Variants in TSG101 observed in about 807,000 individuals in gnomAD.
The protein encoded by TSG101 is tumor susceptibility 101.
Under a neutral mutation model 48.5 loss-of-function variants are expected in TSG101, and 19 were observed. The ratio of observed to expected loss-of-function variants is 0.39; its 90% CI spans 0.27 to 0.58. TSG101 has a LOEUF of 0.58. TSG101 is among the 20% of genes least tolerant of loss of function. TSG101 has a pLI of 0.55. For synonymous variants in TSG101, 174 were observed against 169.4 expected (o/e 1.03, Z -0.21); for missense variants, 365 against 484.4 (o/e 0.75, Z 2.31).
intron 7 of TSG101, among the ~76,000 whole-genome samples, chr11:18,496,506 A>C (rs560599971): frequency 2.9e-5 from 4 of 139,072 alleles, no homozygotes; most frequent in African/African-American, 7.8e-5. Context: ...ATAAAATAAA[A>C]TAAATCTACA....
chr11:18,514,557 A>G (rs1850138314), intron 4 of TSG101, 121 bp downstream of exon 4: 2 of 666,604 alleles, frequency 3.0e-6, no homozygotes, highest in South Asian at 4.1e-5. Context: ...CTCAGTGATT[A>G]GTCCATTATC....
At chr11:18,499,404 T>TATATA (rs1372786271) in intron 7 of TSG101, among the ~76,000 whole-genome samples, 2 of 5,124 alleles carry the variant, frequency 3.9e-4, no homozygotes, top group South Asian at 8.6e-3. Flanking sequence ...ATATATATAT[T>TATATA]TTTTTTTTTT....
chr11:18,504,506 C>T (rs537889119), intron 6 of TSG101, among the ~76,000 whole-genome samples: 8 of 152,248 alleles, frequency 5.3e-5, no homozygotes, highest in African/African-American at 1.4e-4. Context: ...TTTCTAGTCT[C>T]TTCAGTAATC....
intron 4 of TSG101, among the ~76,000 whole-genome samples, chr11:18,512,601 T>C (rs1850103555): frequency 6.6e-6 from 1 of 152,158 alleles, no homozygotes; most frequent in Non-Finnish European, 1.5e-5. Flanking sequence ...ATAAATTGTA[T>C]GCTAGACATT....
chr11:18,513,873 G>A (rs1488402175), intron 4 of TSG101, among the ~76,000 whole-genome samples: 2 of 152,076 alleles, frequency 1.3e-5, no homozygotes, highest in East Asian at 3.9e-4. Flanking sequence ...TCAGGAGTTC[G>A]AGAACAGCCT....
intron 6 of TSG101, among the ~76,000 whole-genome samples, chr11:18,504,784 C>G (rs1849942375): frequency 6.6e-6 from 1 of 152,206 alleles, no homozygotes; most frequent in Non-Finnish European, 1.5e-5. Flanking sequence ...ATTATTCCCT[C>G]TATGTCCAAA....
At chr11:18,509,969 C>G (rs1321218542) in intron 4 of TSG101, among the ~76,000 whole-genome samples, 1 of 152,106 alleles carries the variant, frequency 6.6e-6, no homozygotes, top group Non-Finnish European at 1.5e-5. Flanking sequence ...TTTATTGCCA[C>G]TGTACAATGT....
intron 1 of TSG101, chr11:18,525,837 G>T: frequency 3.7e-6 from 1 of 271,940 alleles, no homozygotes; most frequent in Non-Finnish European, 5.6e-6. Context: ...AACTATGGGG[G>T]CGATTTAACT....
At chr11:18,494,643 T>A (rs982993436) in intron 7 of TSG101, among the ~76,000 whole-genome samples, 2 of 152,204 alleles carry the variant, frequency 1.3e-5, no homozygotes, top group African/African-American at 4.8e-5. Context: ...CTGTCCAGGA[T>A]TGGAAGAAAA....
intron 6 of TSG101, 54 bp from the exon 7 acceptor site, chr11:18,502,631 A>G (rs1268049665): frequency 1.5e-6 from 2 of 1,375,072 alleles, no homozygotes; most frequent in Admixed American, 4.1e-5. Context: ...ACCTTATAGT[A>G]TTTTGAAGAA....
intron 1 of TSG101, among the ~76,000 whole-genome samples, chr11:18,525,109 A>G (rs1850346411): frequency 2.0e-5 from 3 of 152,054 alleles, no homozygotes; most frequent in African/African-American, 7.2e-5. Context: ...GGGTTTCACC[A>G]TGTTGATCAG....
rs150830557 is a variant in TSG101 at position 18,490,049 on chromosome 11, G to A, written c.641-5977C>T. On this transcript the variant is annotated intron_variant, in intron 7 of 9. Transcript: ENST00000251968. ...ATCAAAATCAAAACTTCAGAATGCCGTGGCATTTATGTGACCAATCTGAGT... is the reference window on the plus strand; with the variant it reads ...ATCAAAATCAAAACTTCAGAATGCCATGGCATTTATGTGACCAATCTGAGT... 2.7e-4 allele frequency among the ~76,000 whole-genome samples: 40 copies of A among 150,712 alleles called. No individual in the cohort carries two copies. The East Asian group carries it at 6.7e-3, about 25-fold the overall frequency.
At chr11:18,521,602 T>C (rs575066007) in intron 1 of TSG101, among the ~76,000 whole-genome samples, 11 of 150,880 alleles carry the variant, frequency 7.3e-5, no homozygotes, top group Admixed American at 4.6e-4. Context: ...CTCCTGGAAG[T>C]GATCCTCTCA....
At chr11:18,505,590 C>T (rs1849956695) in intron 6 of TSG101, among the ~76,000 whole-genome samples, 1 of 152,052 alleles carries the variant, frequency 6.6e-6, no homozygotes, top group African/African-American at 2.4e-5. Flanking sequence ...GAAACAAGTA[C>T]ACATTTAAAA....
At chr11:18,496,277 CATACAAA>C (rs1399322684) in intron 7 of TSG101, among the ~76,000 whole-genome samples, 2 of 151,354 alleles carry the variant, frequency 1.3e-5, no homozygotes, top group Admixed American at 1.3e-4. Flanking sequence ...GCCTGGCTAA[CATACAAA>C]ATACAAAAAT....
chr11:18,502,681 C>T (rs1380355575), intron 6 of TSG101, 104 bp from the exon 7 acceptor site: 4 of 801,222 alleles, frequency 5.0e-6, no homozygotes, highest in Non-Finnish European at 5.9e-6. Context: ...GGTTGTTTTA[C>T]CAGTTGATGA....
Position 18,487,386 on chromosome 11 carries a change from G to A in TSG101, c.641-3314C>T, listed in dbSNP as rs999410615. Among the ~76,000 whole-genome samples, 4 of 152,206 alleles carry A rather than the reference G, an allele frequency of 2.6e-5. No homozygotes were observed. The East Asian group carries it at 7.7e-4, about 29-fold the overall frequency. Reference sequence around the variant, plus strand: ...TTGCTTTGGTTTCCATTTTTGGCAGGGAGGGGAAAACTGATTTATAATTTT... The same window carrying A: ...TTGCTTTGGTTTCCATTTTTGGCAGAGAGGGGAAAACTGATTTATAATTTT... On this transcript the variant is annotated intron_variant, in intron 7 of 9. Transcript: ENST00000251968.
chr11:18,489,991 AAAATT>A (rs1387463972), intron 7 of TSG101, among the ~76,000 whole-genome samples: 1 of 152,262 alleles, frequency 6.6e-6, no homozygotes, highest in Non-Finnish European at 1.5e-5. Context: ...TGAATTAAAA[AAAATT>A]AAACACACAG....
chr11:18,508,093 CAA>C (rs200656803), intron 5 of TSG101, among the ~76,000 whole-genome samples: 17 of 131,708 alleles, frequency 1.3e-4, no homozygotes, highest in Admixed American at 3.8e-4. Flanking sequence ...GACTCTGTCT[CAA>C]AAAAAAAAAA....
Sources: gnomAD v4.1 joint callset for allele counts (sites outside exome capture counted in the v4.1 genomes callset) on GRCh38, gnomAD v4.1.1 for gene constraint, MANE v1.5 for transcripts, NCBI Gene and HGNC (gene_info 2026-07-23, HGNC 2026-07-21) for gene names.